DNAJC13: variants seen among roughly 807,000 people sequenced by gnomAD.
DNAJC13 encodes the protein dnaJ homolog subfamily C member 13.
A neutral mutation model predicts 290.5 loss-of-function variants in DNAJC13; 75 were observed. The ratio of observed to expected loss-of-function variants is 0.26; its 90% CI spans 0.21 to 0.31. DNAJC13 has a LOEUF of 0.31. DNAJC13 is among the 10% of genes least tolerant of loss of function. DNAJC13 has a pLI of 1.00. For missense variants in DNAJC13, 2,260 were observed against 2,674.5 expected, an observed-to-expected ratio of 0.85 and a Z score of 3.42; for synonymous variants, 862 against 892.0, an observed-to-expected ratio of 0.97 and a Z score of 0.60.
At chr3:132,490,767 A>G (rs1935036580) in intron 31 of DNAJC13, 130 bp from the exon 32 acceptor site, 7 of 985,308 alleles carry the variant, frequency 7.1e-6, no homozygotes, top group Non-Finnish European at 8.4e-6. Context: ...CTACATTCCC[A>G]AAGCATAAAA....
chr3:132,482,856 A>G (rs1934722845), intron 27 of DNAJC13, among the ~76,000 whole-genome samples: 2 of 151,904 alleles, frequency 1.3e-5, no homozygotes, highest in African/African-American at 4.8e-5. Flanking sequence ...GCGAGACCCT[A>G]TCTCCAAAAA....
At chr3:132,474,825 C>CG (rs35130364) in intron 21 of DNAJC13, 107 bp from the exon 22 acceptor site, 29 of 56,932 alleles carry the variant, frequency 5.1e-4, no homozygotes, top group Non-Finnish European at 8.4e-4. Context: ...CCCCCCCCCC[C>CG]CTTTTTTTTT....
rs772057669 is a variant in DNAJC13, at chr3:132,467,213, T to C, written c.2108T>C (p.Leu703Pro). 6.2e-7 allele frequency: 1 copy of C among 1,613,862 alleles called. No individual in the cohort carries two copies. The highest frequency in any genetic ancestry group is 1.7e-5 in the Admixed American group (1 of 60,014). The change falls in exon 20 of 56, where the codon CTA becomes CCA. Residue 703 changes from leucine (L) to proline (P), a missense_variant. Physicochemically the swap from Leu to Pro is moderately conservative, Grantham distance 98. Around this residue, in one of 3 missense-constraint regions of DNAJC13, gnomAD observed 762 missense variants for 964.1 expected, o/e 0.79. Transcript: ENST00000260818. ...KFNKVPEWQR[L>P]AGKAAKEVEK... ...AATAAAGTTCCAGAGTGGCAAAGAC[T>C]AGCTGGAAAAGCTGCTAAAGAAGTT... is the stretch of plus-strand genomic sequence containing the variant.
intron 1 of DNAJC13, among the ~76,000 whole-genome samples, chr3:132,428,827 T>G (rs1269204833): frequency 6.6e-6 from 1 of 152,178 alleles, no homozygotes; most frequent in Non-Finnish European, 1.5e-5. Context: ...CTCTGCCTCC[T>G]GGATTCAAAC....
chr3:132,449,686 G>C (rs1933361694), intron 5 of DNAJC13, among the ~76,000 whole-genome samples: 1 of 152,108 alleles, frequency 6.6e-6, no homozygotes, highest in South Asian at 2.1e-4. Context: ...TCTCTTTTCT[G>C]AAAACCTAGA....
rs1397575339 is a variant in DNAJC13, at chr3:132,516,778, T to C, written c.5635T>C (p.Phe1879Leu). The C allele has an allele frequency of 1.2e-6, 2 of 1,613,536 alleles. No homozygotes were observed. Among genetic ancestry groups the C allele is most frequent in the Non-Finnish European group, 1.7e-6 (2 of 1,179,624 alleles). ...PQVRAQTAEL[F>L]AKMTADKLIG... ...GGTTCGAGCCCAAACAGCAGAACTT[T>C]TTGCCAAAATGACAGCAGATAAACT... Residue 1879 changes from phenylalanine (F) to leucine (L), a missense_variant, in exon 48 of 56, where the codon TTT becomes CTT. Physicochemically the swap from Phe to Leu is conservative, Grantham distance 22. Around this residue, in one of 3 missense-constraint regions of DNAJC13, gnomAD observed 1,494 missense variants for 1,693.7 expected, o/e 0.88. Transcript: ENST00000260818.
chr3:132,483,952 C>T (rs758331347), intron 28 of DNAJC13, among the ~76,000 whole-genome samples: 2 of 152,194 alleles, frequency 1.3e-5, no homozygotes, highest in African/African-American at 4.8e-5. Context: ...TGTAGGCCCA[C>T]GTCTTGCCCC....
intron 17 of DNAJC13, among the ~76,000 whole-genome samples, chr3:132,464,100 A>G (rs1021711257): frequency 6.6e-6 from 1 of 152,174 alleles, no homozygotes; most frequent in African/African-American, 2.4e-5. Flanking sequence ...TTAAAAGCTT[A>G]TGGAACTAGA....
chr3:132,428,216 T>C (rs1279357241), intron 1 of DNAJC13, among the ~76,000 whole-genome samples: 1 of 152,234 alleles, frequency 6.6e-6, no homozygotes, highest in Non-Finnish European at 1.5e-5. Flanking sequence ...CATTTTCTGA[T>C]CTTTGTGCAT....
At chr3:132,479,388 C>T in intron 25 of DNAJC13, 99 bp downstream of exon 25, 1 of 808,318 alleles carries the variant, frequency 1.2e-6, no homozygotes, top group African/African-American at 1.7e-5. Context: ...GTGTTCTTTT[C>T]TGTCTTCTCC....
At chr3:132,530,902 C>A in intron 54 of DNAJC13, 96 bp from the exon 55 acceptor site, 2 of 1,033,190 alleles carry the variant, frequency 1.9e-6, no homozygotes, top group South Asian at 1.4e-5. Context: ...TCCTCACTGG[C>A]CTTCTTCCTT....
At chr3:132,481,184 A>G (rs959131735) in intron 26 of DNAJC13, among the ~76,000 whole-genome samples, 3 of 152,224 alleles carry the variant, frequency 2.0e-5, no homozygotes, top group African/African-American at 7.2e-5. Context: ...CCAGAAGTCT[A>G]TATGCTCATA....
intron 29 of DNAJC13, among the ~76,000 whole-genome samples, chr3:132,486,082 C>CTTTTTTTTT (rs758049804): frequency 2.5e-5 from 1 of 40,520 alleles, no homozygotes; most frequent in Non-Finnish European, 4.2e-5. Flanking sequence ...ATGCCCTATC[C>CTTTTTTTTT]TTTTTTTTTT....
At chr3:132,445,971 A>AATTGCT (rs1236357811) in intron 2 of DNAJC13, among the ~76,000 whole-genome samples, 2 of 152,070 alleles carry the variant, frequency 1.3e-5, no homozygotes, top group African/African-American at 4.8e-5. Flanking sequence ...ACTTCTATAA[A>AATTGCT]ATTGCAACAC....
At position 132,526,233 on chromosome 3, in the gene DNAJC13, A is replaced by G; in HGVS notation, c.6333A>G (p.Glu2111=). 1 of 1,614,096 alleles carries G rather than the reference A, an allele frequency of 6.2e-7. No homozygotes were observed. Among genetic ancestry groups the G allele is most frequent in the Non-Finnish European group, 8.5e-7 (1 of 1,179,988 alleles). Residue 2111 remains glutamate (E), a synonymous_variant, in exon 53 of 56, where the codon GAA becomes GAG. Coordinates refer to ENST00000260818, the MANE Select transcript of DNAJC13 (RefSeq NM_015268.4). ...CAGATACTGTTGGTCTAGCCTGTGAAGCAATTAATCGAATGTTTCAGAAGG... is the reference window on the plus strand; with the variant it reads ...CAGATACTGTTGGTCTAGCCTGTGAGGCAATTAATCGAATGTTTCAGAAGG... ...KRADTVGLAC[E]AINRMFQKEQ... is the part of the protein sequence containing the mutation.
chr3:132,516,404 A>G lies in DNAJC13; in HGVS notation c.5486-18A>G. The stretch of plus-strand genomic sequence containing the variant: ...CTAACCTGATGATGCATTCCTTGAA[A>G]TGTCTTTTACTCTGCAGGTCGTCAG... On this transcript the variant is annotated intron_variant, in intron 46 of 55. Coordinates refer to ENST00000260818, the MANE Select transcript of DNAJC13 (RefSeq NM_015268.4). 3 of 1,612,950 alleles carry G rather than the reference A, an allele frequency of 1.9e-6. No homozygotes were observed. The highest frequency in any genetic ancestry group is 2.5e-6 in the Non-Finnish European group (3 of 1,179,226).
intron 20 of DNAJC13, among the ~76,000 whole-genome samples, chr3:132,471,450 G>A (rs1184262822): frequency 9.2e-5 from 13 of 141,492 alleles, no homozygotes; most frequent in Admixed American, 6.9e-5. Context: ...CTTCTCAGAC[G>A]GGGCAGCTGC....
At chr3:132,451,768 A>G (rs1047408736) in intron 6 of DNAJC13, among the ~76,000 whole-genome samples, 30 of 152,238 alleles carry the variant, frequency 2.0e-4, no homozygotes, top group African/African-American at 7.2e-4. Context: ...TTGAACTTTT[A>G]CATATATAAG....
intron 33 of DNAJC13, 25 bp downstream of exon 33, chr3:132,492,640 C>T: frequency 1.2e-6 from 2 of 1,602,214 alleles, no homozygotes; most frequent in Non-Finnish European, 8.5e-7. Flanking sequence ...TAATTTGTGC[C>T]ACCTTAAGCC....
Sources: gnomAD v4.1 joint callset for allele counts (sites outside exome capture counted in the v4.1 genomes callset) on GRCh38, gnomAD v4.1.1 for gene constraint, gnomAD v4.1.1 regional missense constraint, MANE v1.5 for transcripts, NCBI Gene and HGNC (gene_info 2026-07-23, HGNC 2026-07-21) for gene names.